KLHDC8A: variants seen among roughly 807,000 people sequenced by gnomAD.
KLHDC8A encodes kelch domain containing 8A, also known as kelch domain-containing protein 8A.
A neutral mutation model predicts 33.1 loss-of-function variants in KLHDC8A; 21 were observed. That is an observed-to-expected ratio of 0.64 (90% CI 0.45 to 0.91). The LOEUF is 0.91. Among genes scored for constraint, KLHDC8A ranks in the 40% least tolerant of loss-of-function variants. The probability of loss-of-function intolerance (pLI) is 0.00; values close to 1 mark genes in which losing one functional copy is unlikely to be tolerated. For synonymous variants in KLHDC8A, 173 were observed against 193.5 expected (o/e 0.89, Z 0.88); for missense variants, 435 against 483.3 (o/e 0.90, Z 0.94).
At chr1:205,349,683 G>A (rs1663041401) in intron 1 of KLHDC8A, among the ~76,000 whole-genome samples, 1 of 152,186 alleles carries the variant, frequency 6.6e-6, no homozygotes, top group South Asian at 2.1e-4. Flanking sequence ...GAGGATTTGA[G>A]TTATAAACAA....
intron 1 of KLHDC8A, among the ~76,000 whole-genome samples, chr1:205,354,058 G>T (rs1171877414): frequency 6.6e-6 from 1 of 152,226 alleles, no homozygotes; most frequent in Non-Finnish European, 1.5e-5. Context: ...ATGGCTGCTG[G>T]TTTGGGCTAC....
rs144890731 is a variant in KLHDC8A at position 205,351,027 on chromosome 1, C to T, written c.-190+5506G>A. ...AAAAGGCTGGCCTGCTCACCCTCACCGGAGTCCCTCTTCCTAGGAAAACTG... is the reference window on the plus strand; with the variant it reads ...AAAAGGCTGGCCTGCTCACCCTCACTGGAGTCCCTCTTCCTAGGAAAACTG... On this transcript the variant is annotated intron_variant, in intron 1 of 5. Transcript: ENST00000367155. Among the ~76,000 whole-genome samples the T allele has an allele frequency of 4.1e-3, 631 of 152,304 alleles. 5 individuals are homozygous for T. Among genetic ancestry groups the T allele is most frequent in the African/African-American group, 0.014 (596 of 41,576 alleles).
intron 1 of KLHDC8A, among the ~76,000 whole-genome samples, chr1:205,348,759 G>A (rs1181508250): frequency 1.1e-4 from 17 of 152,116 alleles, no homozygotes; most frequent in Admixed American, 1.0e-3. Context: ...TGCCCCCCAA[G>A]AGCAGGTGCC....
chr1:205,341,302 A>G (rs1558685133), intron 2 of KLHDC8A, among the ~76,000 whole-genome samples: 1 of 151,686 alleles, frequency 6.6e-6, no homozygotes, highest in Non-Finnish European at 1.5e-5. Flanking sequence ...GGAGGCCTTT[A>G]TTCTTAAGGT....
intron 1 of KLHDC8A, among the ~76,000 whole-genome samples, chr1:205,356,075 T>G (rs1663263261): frequency 6.6e-6 from 1 of 152,124 alleles, no homozygotes; most frequent in Non-Finnish European, 1.5e-5. Context: ...TTCTCAGCCC[T>G]TGTCCCCCTC....
At position 205,338,507 on chromosome 1, in the gene KLHDC8A, C is replaced by T; in HGVS notation, c.847G>A (p.Ala283Thr). The change falls in exon 5 of 6, where the codon GCT becomes ACT. Residue 283 changes from alanine (A) to threonine (T), a missense_variant. Ala to Thr is a moderately conservative substitution (Grantham distance 58, BLOSUM62 0). Coordinates refer to ENST00000367155, the MANE Select transcript of KLHDC8A (RefSeq NM_018203.3). ...GCGCCATCCTTACCAAGTCCCCCAGCCACTATGACCCGTCCACTCAGAGAG... is the reference window on the plus strand; with the variant it reads ...GCGCCATCCTTACCAAGTCCCCCAGTCACTATGACCCGTCCACTCAGAGAG... ...AGSLSGRVIV[A>T]GGLGNQPTVL... The T allele has an allele frequency of 1.2e-6, 2 of 1,613,534 alleles. No individual in the cohort carries two copies. Among genetic ancestry groups the T allele is most frequent in the Non-Finnish European group, 8.5e-7 (1 of 1,179,450 alleles).
chr1:205,354,472 C>T (rs546814087), intron 1 of KLHDC8A, among the ~76,000 whole-genome samples: 41 of 152,182 alleles, frequency 2.7e-4, no homozygotes, highest in Non-Finnish European at 5.3e-4. Flanking sequence ...CCCTCACCAG[C>T]AGAGGGCAGA....
At chr1:205,344,545 G>C (rs1031908635) in intron 1 of KLHDC8A, 8 of 152,366 alleles carry the variant, frequency 5.3e-5, no homozygotes, top group Non-Finnish European at 8.8e-5. Flanking sequence ...GCGGGCTTTT[G>C]TGTTTGTTTT....
intron 4 of KLHDC8A, 96 bp from the exon 5 acceptor site, chr1:205,338,692 G>T (rs1662703486): frequency 1.1e-6 from 1 of 929,700 alleles, no homozygotes; most frequent in African/African-American, 1.6e-5. Context: ...TTTCACCCTG[G>T]GCAGTGTCTT....
At chr1:205,337,634 C>T (rs373210389) in intron 5 of KLHDC8A, 42 bp from the exon 6 acceptor site, 29 of 1,493,198 alleles carry the variant, frequency 1.9e-5, no homozygotes, top group Non-Finnish European at 2.6e-5. Context: ...AGGAGTCCAA[C>T]CACCAATCCA....
intron 1 of KLHDC8A, among the ~76,000 whole-genome samples, chr1:205,353,710 A>G (rs1663185941): frequency 6.6e-6 from 1 of 152,106 alleles, no homozygotes; most frequent in Non-Finnish European, 1.5e-5. Context: ...TATTCTTGAC[A>G]ACGTGCTTCA....
At chr1:205,353,250 T>A (rs1663169454) in intron 1 of KLHDC8A, among the ~76,000 whole-genome samples, 1 of 152,040 alleles carries the variant, frequency 6.6e-6, no homozygotes, top group Non-Finnish European at 1.5e-5. Flanking sequence ...GGAAAAAAAA[T>A]CAAAAGAAAA....
intron 1 of KLHDC8A, among the ~76,000 whole-genome samples, chr1:205,354,249 T>C (rs1202295575): frequency 2.6e-5 from 4 of 152,268 alleles, no homozygotes; most frequent in Non-Finnish European, 4.4e-5. Context: ...CTATCTATTT[T>C]CATCACCTTT....
chr1:205,337,442 C>G lies in KLHDC8A; in HGVS notation c.1010G>C (p.Gly337Ala). 2.5e-6 allele frequency: 4 copies of G among 1,613,842 alleles called. No individual in the cohort carries two copies. The highest frequency in any genetic ancestry group is 1.7e-5 in the Admixed American group (1 of 60,020). ...CLLAVGGVNQ[G>A]LSDAVEALCV... ...CAGGGCCTCCACTGCGTCACTCAGA[C>G]CCTGGTTGACACCTCCCACGGCGAG... is the stretch of plus-strand genomic sequence containing the variant. Residue 337 changes from glycine to alanine, a missense_variant, in exon 6 of 6, where the codon GGT (glycine) becomes GCT (alanine). Coordinates refer to ENST00000367155, the MANE Select transcript of KLHDC8A (RefSeq NM_018203.3).
chr1:205,355,239 C>A (rs1313990261), intron 1 of KLHDC8A, among the ~76,000 whole-genome samples: 3 of 152,220 alleles, frequency 2.0e-5, no homozygotes, highest in Admixed American at 2.0e-4. Flanking sequence ...AATGCCTGGG[C>A]TCCAGCCAAA....
chr1:205,348,720 T>A (rs114189061), intron 1 of KLHDC8A: 1 of 152,288 alleles, frequency 6.6e-6, no homozygotes, highest in African/African-American at 2.4e-5. Flanking sequence ...TGATGGCAAG[T>A]TTCTGTACCT....
chr1:205,353,213 A>G (rs76058876), intron 1 of KLHDC8A, among the ~76,000 whole-genome samples: 3,655 of 152,310 alleles, frequency 0.024, 67 homozygotes, highest in Middle Eastern at 0.058. Flanking sequence ...AAATCTAAGA[A>G]CAATTTTTAC....
chr1:205,343,274 T>G lies in KLHDC8A; in HGVS notation c.331A>C (p.Ser111Arg). The change falls in exon 2 of 6, where the codon AGC (serine) becomes CGC (arginine). Residue 111 changes from serine (S) to arginine (R), a missense_variant. Ser to Arg is a moderately radical substitution (Grantham distance 110, BLOSUM62 -1). Coordinates refer to ENST00000367155, the MANE Select transcript of KLHDC8A (RefSeq NM_018203.3). Reference protein sequence around the residue: ...NIDEGKWKKRSMLREAAMGIS... With the variant: ...NIDEGKWKKRRMLREAAMGIS... The stretch of plus-strand genomic sequence containing the variant: ...CCCATGGCGGCCTCACGCAGCATGC[T>G]CCTCTTCTTCCACTTGCCCTCATCG... 1 of 1,609,240 alleles carries G rather than the reference T, an allele frequency of 6.2e-7. No individual in the cohort carries two copies.
chr1:205,344,043 A>C (rs1310315778), intron 1 of KLHDC8A: 1 of 156,290 alleles, frequency 6.4e-6, no homozygotes, highest in African/African-American at 2.4e-5. Context: ...CCCCGGGCGG[A>C]GGAAGGAGTT....
Sources: gnomAD v4.1 joint callset for allele counts (sites outside exome capture counted in the v4.1 genomes callset) on GRCh38, gnomAD v4.1.1 for gene constraint, MANE v1.5 for transcripts, NCBI Gene and HGNC (gene_info 2026-07-23, HGNC 2026-07-21) for gene names.